PBX3: variants seen among roughly 807,000 people sequenced by gnomAD.
PBX3 encodes pre-B-cell leukemia transcription factor 3.
A neutral mutation model predicts 48.5 loss-of-function variants in PBX3; 14 were observed. That is an observed-to-expected ratio of 0.29 (90% CI 0.19 to 0.45). The LOEUF is 0.45. PBX3 is among the 20% of genes least tolerant of loss of function. The probability of loss-of-function intolerance (pLI) is 1.00; values close to 1 mark genes in which losing one functional copy is unlikely to be tolerated. For synonymous variants in PBX3, 210 were observed against 200.3 expected (o/e 1.05, Z -0.41); for missense variants, 386 against 546.7 (o/e 0.71, Z 2.93).
At chr9:125,861,300 A>AAATAAT (rs368338583) in intron 2 of PBX3, among the ~76,000 whole-genome samples, 43 of 140,428 alleles carry the variant, frequency 3.1e-4, no homozygotes, top group African/African-American at 8.3e-4. Context: ...CCCTGTCTCC[A>AAATAAT]AATAATAATA....
intron 5 of PBX3, among the ~76,000 whole-genome samples, chr9:125,940,933 G>A: frequency 6.6e-6 from 1 of 152,150 alleles, no homozygotes; most frequent in East Asian, 1.9e-4. Flanking sequence ...TACCTATGAT[G>A]TGTGGCCCTT....
chr9:125,952,685 C>T (rs1214329836), intron 5 of PBX3, among the ~76,000 whole-genome samples: 1 of 152,208 alleles, frequency 6.6e-6, no homozygotes, highest in African/African-American at 2.4e-5. Context: ...ATTGGTCACT[C>T]GTATAGCTCT....
At chr9:125,802,589 A>G (rs925645783) in intron 2 of PBX3, among the ~76,000 whole-genome samples, 1 of 151,864 alleles carries the variant, frequency 6.6e-6, no homozygotes, top group Non-Finnish European at 1.5e-5. Context: ...GGCTGGTCTC[A>G]AACTCCTGGG....
intron 2 of PBX3, among the ~76,000 whole-genome samples, chr9:125,872,657 G>A (rs1840153558): frequency 6.6e-6 from 1 of 151,978 alleles, no homozygotes; most frequent in South Asian, 2.1e-4. Context: ...CTACTCTGGA[G>A]GCTGAGGCAG....
At chr9:125,964,319 G>A (rs1842488626) in intron 8 of PBX3, among the ~76,000 whole-genome samples, 1 of 152,144 alleles carries the variant, frequency 6.6e-6, no homozygotes, top group Admixed American at 6.5e-5. Flanking sequence ...GAGGAATGAT[G>A]TTTACTTCAG....
At position 125,929,863 on chromosome 9, in the gene PBX3, TC is replaced by T. The variant is rs1330223390; in HGVS notation, c.707+19del. ...GATGCCAGGTATGTGAAGCCATAAATCTATTGCATGGCTTTCCCCCGTCTGT... is the reference window on the plus strand; with the variant it reads ...GATGCCAGGTATGTGAAGCCATAAATTATTGCATGGCTTTCCCCCGTCTGT... On this transcript the variant is annotated intron_variant, in intron 4 of 8. Coordinates refer to ENST00000373489, the MANE Select transcript of PBX3 (RefSeq NM_006195.6). The T allele has an allele frequency of 4.5e-6, 7 of 1,565,990 alleles. No homozygotes were observed. The highest frequency in any genetic ancestry group is 6.2e-6 in the Non-Finnish European group (7 of 1,137,148).
In PBX3 at chr9:125,805,034, T is replaced by C. The variant is rs150254102; in HGVS notation, c.274+56411T>C. 9.1e-3 allele frequency among the ~76,000 whole-genome samples: 1,373 copies of C among 151,028 alleles called. 28 individuals carry two copies. Among genetic ancestry groups the C allele is most frequent in the African/African-American group, 0.031 (1,288 of 41,102 alleles). Reference sequence around the variant, plus strand: ...GCTTTTATATTTTGTTGGGGGAACATAGACAAAATCCAAGTATATCAACAG... The same window carrying C: ...GCTTTTATATTTTGTTGGGGGAACACAGACAAAATCCAAGTATATCAACAG... On this transcript the variant is annotated intron_variant, in intron 2 of 8. Coordinates refer to ENST00000373489, the MANE Select transcript of PBX3 (RefSeq NM_006195.6).
At chr9:125,760,377 A>G (rs1272226596) in intron 2 of PBX3, among the ~76,000 whole-genome samples, 1 of 151,956 alleles carries the variant, frequency 6.6e-6, no homozygotes, top group East Asian at 1.9e-4. Context: ...TTGCAGGAAA[A>G]TACTGTTTGT....
chr9:125,854,950 G>T (rs1461740243), intron 2 of PBX3, among the ~76,000 whole-genome samples: 1 of 152,116 alleles, frequency 6.6e-6, no homozygotes, highest in Non-Finnish European at 1.5e-5. Flanking sequence ...TATGAAAAGA[G>T]CTTGGGAAAA....
At chr9:125,829,527 G>T (rs1482005178) in intron 2 of PBX3, among the ~76,000 whole-genome samples, 2 of 152,086 alleles carry the variant, frequency 1.3e-5, no homozygotes, top group Admixed American at 6.5e-5. Flanking sequence ...TTAAACTTTT[G>T]TACATACGTA....
intron 2 of PBX3, among the ~76,000 whole-genome samples, chr9:125,757,873 G>A (rs374558963): frequency 5.9e-5 from 9 of 152,200 alleles, no homozygotes; most frequent in African/African-American, 2.2e-4. Context: ...GATATTTTTA[G>A]ATTTTCACTT....
At chr9:125,828,606 C>T (rs972244900) in intron 2 of PBX3, among the ~76,000 whole-genome samples, 3 of 152,138 alleles carry the variant, frequency 2.0e-5, no homozygotes, top group African/African-American at 7.2e-5. Flanking sequence ...CTACTTTCTA[C>T]CCTCAATTAG....
At chr9:125,953,118 A>G (rs1842227139) in intron 5 of PBX3, among the ~76,000 whole-genome samples, 1 of 152,136 alleles carries the variant, frequency 6.6e-6, no homozygotes, top group Non-Finnish European at 1.5e-5. Context: ...TCTTTAATAA[A>G]TGATCATATT....
At chr9:125,761,420 C>T (rs2131975932) in intron 2 of PBX3, among the ~76,000 whole-genome samples, 1 of 152,140 alleles carries the variant, frequency 6.6e-6, no homozygotes, top group South Asian at 2.1e-4. Context: ...TTCCACAATT[C>T]AAGCAAGAGT....
chr9:125,880,480 T>C (rs942906957), intron 2 of PBX3, among the ~76,000 whole-genome samples: 2 of 152,246 alleles, frequency 1.3e-5, no homozygotes, highest in African/African-American at 4.8e-5. Flanking sequence ...ATATTAATTA[T>C]CTGACTTTTC....
Position 125,899,454 on chromosome 9 carries a change from T to TATATATAG in PBX3, c.275-16231_275-16230insTATATAGA, listed in dbSNP as rs1377456112. Among the ~76,000 whole-genome samples, 89 of 103,756 alleles carry TATATATAG rather than the reference T, an allele frequency of 8.6e-4. 4 individuals are homozygous for TATATATAG. The highest frequency in any genetic ancestry group is 3.1e-3 in the African/African-American group (81 of 26,056). The allele number at this position is 103,756 out of a possible 152,430, so 68.1% of individuals were successfully genotyped here. A position where few individuals can be genotyped will look rare whatever the true frequency, so the allele number is the denominator to read the frequency against. ...ATATATATGTGTGTATATATATATATAGAGAGAGAGAGAGAGAGAGAGAGA... is the reference window on the plus strand; with the variant it reads ...ATATATATGTGTGTATATATATATATATATATAGAGAGAGAGAGAGAGAGAGAGAGAGA... On this transcript the variant is annotated intron_variant, in intron 2 of 8. Coordinates refer to ENST00000373489, the MANE Select transcript of PBX3 (RefSeq NM_006195.6).
At chr9:125,780,223 G>T (rs1419978465) in intron 2 of PBX3, among the ~76,000 whole-genome samples, 7 of 132,846 alleles carry the variant, frequency 5.3e-5, no homozygotes, top group East Asian at 2.8e-4. Context: ...GGACGGGTCG[G>T]CTGGCCGGGC....
At chr9:125,763,307 A>G (rs1163187551) in intron 2 of PBX3, among the ~76,000 whole-genome samples, 2 of 152,242 alleles carry the variant, frequency 1.3e-5, no homozygotes, top group Non-Finnish European at 2.9e-5. Context: ...CTAGATTACC[A>G]TCTTTTTGTG....
chr9:125,807,080 T>A (rs1248612404), intron 2 of PBX3, among the ~76,000 whole-genome samples: 2 of 152,214 alleles, frequency 1.3e-5, no homozygotes, highest in Non-Finnish European at 2.9e-5. Context: ...CCCAGTACTT[T>A]GGGAGGCTGA....
Sources: allele counts gnomAD v4.1 joint callset (sites outside exome capture counted in the v4.1 genomes callset), GRCh38; gene constraint gnomAD v4.1.1; transcripts MANE v1.5; gene names NCBI Gene and HGNC (gene_info 2026-07-23, HGNC 2026-07-21).